The following CNKSR2 variants were observed in gnomAD, a reference collection of about 807,000 sequenced individuals.
CNKSR2 encodes the protein connector enhancer of kinase suppressor of Ras 2.
A neutral mutation model predicts 84.4 loss-of-function variants in CNKSR2; 14 were observed. That is an observed-to-expected ratio of 0.17 (90% CI 0.11 to 0.26). CNKSR2 has a LOEUF of 0.26. Among genes scored for constraint, CNKSR2 ranks in the 10% least tolerant of loss-of-function variants. The pLI is 1.00. For missense variants in CNKSR2, 485 were observed against 771.2 expected (o/e 0.63, Z 4.40); for synonymous variants, 275 against 277.9 (o/e 0.99, Z 0.10).
At chrX:21,567,795 GGTGT>G (rs58020537) in intron 13 of CNKSR2, among the ~76,000 whole-genome samples, 45,583 of 89,747 alleles carry the variant, frequency 0.51, 10,869 homozygotes, top group Non-Finnish European at 0.67. Flanking sequence ...GTTTTTGTGT[GGTGT>G]GTGTGTGTGT....
intron 11 of CNKSR2, among the ~76,000 whole-genome samples, chrX:21,551,338 C>T (rs1417267105): frequency 1.8e-5 from 2 of 111,922 alleles, no homozygotes; most frequent in Non-Finnish European, 3.8e-5. Context: ...GCATTCTGCA[C>T]ATGTATCCCA....
chrX:21,634,195 G>A (rs1053599497), intron 20 of CNKSR2, among the ~76,000 whole-genome samples: 4 of 112,093 alleles, frequency 3.6e-5, no homozygotes, highest in African/African-American at 1.3e-4. Flanking sequence ...TGTAATTATT[G>A]TAGATTAGAA....
chrX:21,440,523 C>T (rs2090769610), intron 3 of CNKSR2, among the ~76,000 whole-genome samples, 171 bp from the exon 4 acceptor site: 1 of 111,353 alleles, frequency 9.0e-6, no homozygotes, highest in Non-Finnish European at 1.9e-5. Context: ...AATTTTCTTC[C>T]AATCATTTCT....
chrX:21,525,963 G>T (rs1274731545), intron 9 of CNKSR2, among the ~76,000 whole-genome samples: 3 of 110,890 alleles, frequency 2.7e-5, no homozygotes, highest in Non-Finnish European at 5.7e-5. Context: ...CATAAAACTT[G>T]TGAATTTTAG....
intron 3 of CNKSR2, among the ~76,000 whole-genome samples, chrX:21,435,212 G>T (rs1160868070): frequency 9.1e-6 from 1 of 110,023 alleles, no homozygotes; most frequent in Non-Finnish European, 1.9e-5. Flanking sequence ...TATAGAAAAT[G>T]TTTATTTCAC....
intron 21 of CNKSR2, among the ~76,000 whole-genome samples, chrX:21,651,477 G>A (rs1204994814): frequency 9.0e-6 from 1 of 111,558 alleles, no homozygotes; most frequent in Non-Finnish European, 1.9e-5. Flanking sequence ...TGTGAGGCCA[G>A]ACCAACTTCT....
At chrX:21,612,813 A>G (rs979046146) in intron 20 of CNKSR2, among the ~76,000 whole-genome samples, 6 of 112,046 alleles carry the variant, frequency 5.4e-5, no homozygotes, top group African/African-American at 1.6e-4. Context: ...TATAAAGTAT[A>G]TATTTAGCCT....
chrX:21,453,110 AAG>A (rs1309216797), intron 4 of CNKSR2, among the ~76,000 whole-genome samples: 2 of 110,997 alleles, frequency 1.8e-5, no homozygotes, highest in African/African-American at 3.3e-5. Context: ...AAATGACAGA[AAG>A]AAATGGAGAA....
At chrX:21,549,560 A>T (rs1165627069) in intron 11 of CNKSR2, among the ~76,000 whole-genome samples, 1 of 112,222 alleles carries the variant, frequency 8.9e-6, no homozygotes, top group Non-Finnish European at 1.9e-5. Flanking sequence ...ATTAGAAAAA[A>T]ACTACTTTAG....
intron 1 of CNKSR2, among the ~76,000 whole-genome samples, chrX:21,377,778 T>C (rs1328619842): frequency 9.0e-6 from 1 of 111,082 alleles, no homozygotes; most frequent in Non-Finnish European, 1.9e-5. Context: ...AGAAGTGGTA[T>C]AGAAACTCAG....
At chrX:21,431,996 T>C (rs1467407138) in intron 2 of CNKSR2, among the ~76,000 whole-genome samples, 1 of 111,980 alleles carries the variant, frequency 8.9e-6, no homozygotes, top group Non-Finnish European at 1.9e-5. Flanking sequence ...AGTTTCATAA[T>C]TTGTATTACA....
intron 20 of CNKSR2, chrX:21,645,479 G>A (rs760179409): frequency 8.9e-6 from 1 of 112,183 alleles, no homozygotes; most frequent in Admixed American, 9.5e-5. Context: ...CATTATAGCA[G>A]TGATACAGTT....
intron 11 of CNKSR2, among the ~76,000 whole-genome samples, chrX:21,552,715 T>C (rs1361967961): frequency 2.7e-5 from 3 of 111,933 alleles, no homozygotes; most frequent in African/African-American, 9.7e-5. Flanking sequence ...ATGATGAAAG[T>C]TCAAACTAAA....
chrX:21,606,641 A>G, intron 18 of CNKSR2, 138 bp from the exon 19 acceptor site: 1 of 378,497 alleles, frequency 2.6e-6, no homozygotes, highest in South Asian at 7.6e-5. Context: ...TGGTAGGCCA[A>G]GGGTAAGGTA....
intron 13 of CNKSR2, among the ~76,000 whole-genome samples, chrX:21,582,910 T>A (rs757166974): frequency 9.0e-6 from 1 of 111,611 alleles, no homozygotes; most frequent in South Asian, 3.8e-4. Context: ...GTCAATCACA[T>A]CCTTCCTTCA....
At chrX:21,615,598 G>A (rs891899566) in intron 20 of CNKSR2, among the ~76,000 whole-genome samples, 5 of 111,611 alleles carry the variant, frequency 4.5e-5, no homozygotes, top group African/African-American at 1.6e-4. Flanking sequence ...ATCCATATGT[G>A]ACACATTATA....
At chrX:21,593,416 C>T (rs1010120642) in intron 15 of CNKSR2, 86 of 111,407 alleles carry the variant, frequency 7.7e-4, no homozygotes, top group African/African-American at 2.7e-3. Context: ...CTAAAAGAAT[C>T]GAGAACTCTT....
At chrX:21,489,232 G>A (rs892478987) in intron 5 of CNKSR2, among the ~76,000 whole-genome samples, 1 of 111,239 alleles carries the variant, frequency 9.0e-6, no homozygotes, top group African/African-American at 3.3e-5. Context: ...ATGGGTACAT[G>A]TCATCAGGAC....
intron 4 of CNKSR2, chrX:21,468,449 A>T (rs1204491873): frequency 9.0e-6 from 1 of 111,073 alleles, no homozygotes; most frequent in African/African-American, 3.3e-5. Flanking sequence ...GAATCTCTTC[A>T]TGTTGAGTCC....
Sources: gnomAD v4.1 joint callset for allele counts (sites outside exome capture counted in the v4.1 genomes callset) on GRCh38, gnomAD v4.1.1 for gene constraint, MANE v1.5 for transcripts, NCBI Gene and HGNC (gene_info 2026-07-23, HGNC 2026-07-21) for gene names.